Variants in PDS5B observed in about 807,000 individuals in gnomAD.
PDS5B encodes the protein sister chromatid cohesion protein PDS5 homolog B.
Under a neutral mutation model 184.1 loss-of-function variants are expected in PDS5B, and 51 were observed. The observed-to-expected ratio is 0.28, with a 90% CI of 0.22 to 0.35. The LOEUF is 0.35. PDS5B is among the 10% of genes least tolerant of loss of function. The probability of loss-of-function intolerance (pLI) is 1.00; values close to 1 mark genes in which losing one functional copy is unlikely to be tolerated. For synonymous variants in PDS5B, 566 were observed against 569.2 expected (o/e 0.99, Z 0.08); for missense variants, 1,180 against 1,723.3 (o/e 0.68, Z 5.58).
chr13:32,631,114 C>CTTTT (rs766844209), intron 1 of PDS5B, among the ~76,000 whole-genome samples: 1 of 123,744 alleles, frequency 8.1e-6, no homozygotes, highest in African/African-American at 2.9e-5. Flanking sequence ...TTCTTTTTTT[C>CTTTT]TTTCTTTTTT....
chr13:32,635,111 GC>G (rs2058520938), intron 1 of PDS5B, among the ~76,000 whole-genome samples: 1 of 132,762 alleles, frequency 7.5e-6, no homozygotes, highest in Non-Finnish European at 1.5e-5. Context: ...CCATCCTCCT[GC>G]CTCAGCCTCC....
chr13:32,688,398 A>T, intron 12 of PDS5B, 58 bp from the exon 13 acceptor site: 1 of 811,868 alleles, frequency 1.2e-6, no homozygotes, highest in Non-Finnish European at 2.0e-6. Context: ...AGAATTTTAT[A>T]TACAACTTTA....
At chr13:32,727,446 C>A (rs1952946320) in intron 19 of PDS5B, among the ~76,000 whole-genome samples, 3 of 151,960 alleles carry the variant, frequency 2.0e-5, no homozygotes, top group Admixed American at 2.0e-4. Flanking sequence ...TATCATTTTT[C>A]TTCTGGAAGA....
At chr13:32,640,310 G>A (rs557162812) in intron 1 of PDS5B, among the ~76,000 whole-genome samples, 2 of 152,236 alleles carry the variant, frequency 1.3e-5, no homozygotes, top group Admixed American at 6.5e-5. Context: ...GCAACGGCAC[G>A]ATCTCAGCTC....
rs369894280 is a variant in PDS5B, at chr13:32,764,552, G to A, written c.3582G>A (p.Pro1194=). Residue 1194 remains proline (P), a synonymous_variant, in exon 31 of 35, where the codon CCG becomes CCA. Transcript: ENST00000315596. ...NEDYTMSSPL[P]GKKSDKRDDS... is the part of the protein sequence containing the mutation. ...ATTACACAATGTCTTCACCTTTGCC[G>A]GGGAAAAAAAGTGACAAGAGAGACG... 13 of 1,605,142 alleles carry A rather than the reference G, an allele frequency of 8.1e-6. No homozygotes were observed. Among genetic ancestry groups the A allele is most frequent in the South Asian group, 1.1e-5 (1 of 89,680 alleles).
chr13:32,683,978 T>C lies in PDS5B; in HGVS notation c.1158T>C (p.Asn386=), dbSNP rs1168037011. Residue 386 remains asparagine, a synonymous_variant, in exon 11 of 35, where the codon AAT becomes AAC. Transcript: ENST00000315596. ...CTAAAAAGGATATTCTTCTGGTCAA[T>C]GATCACTTACTTAATTTTGTGAGAG... ...TAAKKDILLV[N]DHLLNFVRER... The C allele has an allele frequency of 1.3e-6, 2 of 1,585,658 alleles. No homozygotes were observed. Among genetic ancestry groups the C allele is most frequent in the East Asian group, 2.3e-5 (1 of 44,352 alleles).
chr13:32,679,769 G>T (rs766880438), intron 10 of PDS5B, among the ~76,000 whole-genome samples: 13 of 152,126 alleles, frequency 8.5e-5, no homozygotes, highest in Non-Finnish European at 1.6e-4. Flanking sequence ...TAGACAGCTT[G>T]CTCTGAGCTT....
intron 19 of PDS5B, among the ~76,000 whole-genome samples, chr13:32,723,633 T>C (rs1952795908): frequency 6.6e-6 from 1 of 152,210 alleles, no homozygotes. Flanking sequence ...TTCACATAAC[T>C]ATCTTTAAAA....
At chr13:32,707,281 G>A (rs1405144839) in intron 18 of PDS5B, among the ~76,000 whole-genome samples, 1 of 152,004 alleles carries the variant, frequency 6.6e-6, no homozygotes, top group African/African-American at 2.4e-5. Context: ...ATAATTCAGG[G>A]TGTCATTAGT....
intron 3 of PDS5B, among the ~76,000 whole-genome samples, chr13:32,655,374 A>ATATATATTTT: frequency 1.4e-5 from 1 of 72,466 alleles, no homozygotes; most frequent in African/African-American, 8.3e-5. Flanking sequence ...ATATATATAT[A>ATATATATTTT]TTTTTTTTTT....
At chr13:32,657,379 G>A (rs2140691951) in intron 3 of PDS5B, among the ~76,000 whole-genome samples, 1 of 152,202 alleles carries the variant, frequency 6.6e-6, no homozygotes, top group East Asian at 1.9e-4. Flanking sequence ...AATTAGAATA[G>A]CAACCCCTGC....
chr13:32,719,417 A>T (rs1952590509), intron 19 of PDS5B, among the ~76,000 whole-genome samples: 1 of 152,160 alleles, frequency 6.6e-6, no homozygotes, highest in African/African-American at 2.4e-5. Context: ...TCCTGGGCTC[A>T]GGTGATCTGC....
intron 1 of PDS5B, among the ~76,000 whole-genome samples, chr13:32,641,334 T>G (rs1341407435): frequency 1.3e-5 from 2 of 152,130 alleles, no homozygotes; most frequent in East Asian, 3.9e-4. Flanking sequence ...GTTGCTCCTT[T>G]TCTGCTTCCT....
chr13:32,752,397 A>G (rs915986303), intron 24 of PDS5B, among the ~76,000 whole-genome samples: 1 of 152,156 alleles, frequency 6.6e-6, no homozygotes, highest in African/African-American at 2.4e-5. Context: ...CTCTACCTCC[A>G]CTGATAAGGG....
At chr13:32,637,319 A>G (rs1173044630) in intron 1 of PDS5B, among the ~76,000 whole-genome samples, 1 of 141,246 alleles carries the variant, frequency 7.1e-6, no homozygotes, top group Non-Finnish European at 1.5e-5. Flanking sequence ...TTGAAAGGGA[A>G]TTGCCAAGCT....
At chr13:32,682,047 C>T (rs948682100) in intron 10 of PDS5B, among the ~76,000 whole-genome samples, 1 of 152,114 alleles carries the variant, frequency 6.6e-6, no homozygotes, top group Non-Finnish European at 1.5e-5. Context: ...CTTAATTATT[C>T]TCTGCCACAG....
At chr13:32,655,051 G>A (rs1331537668) in intron 3 of PDS5B, among the ~76,000 whole-genome samples, 1 of 151,846 alleles carries the variant, frequency 6.6e-6, no homozygotes, top group Non-Finnish European at 1.5e-5. Context: ...CCCAATAATG[G>A]GATTGCTGGG....
intron 21 of PDS5B, among the ~76,000 whole-genome samples, chr13:32,739,602 A>G (rs1953468998): frequency 6.6e-6 from 1 of 152,060 alleles, no homozygotes; most frequent in African/African-American, 2.4e-5. Context: ...CTTCCATTTT[A>G]GGTATTTATC....
intron 34 of PDS5B, 53 bp downstream of exon 34, chr13:32,773,377 A>C: frequency 6.8e-7 from 1 of 1,478,892 alleles, no homozygotes. Context: ...GAGTTAGTAA[A>C]TGTTTGGTTA....
Sources: allele counts gnomAD v4.1 joint callset (sites outside exome capture counted in the v4.1 genomes callset), GRCh38; gene constraint gnomAD v4.1.1; transcripts MANE v1.5; gene names NCBI Gene and HGNC (gene_info 2026-07-23, HGNC 2026-07-21).